The following ITFG1 variants were observed in gnomAD, a reference collection of about 807,000 sequenced individuals.
ITFG1 encodes T-cell immunomodulatory protein.
A neutral mutation model predicts 81.8 loss-of-function variants in ITFG1; 34 were observed. The ratio of observed to expected loss-of-function variants is 0.42; its 90% CI spans 0.32 to 0.55. ITFG1 has a LOEUF of 0.55. Ranked by LOEUF, ITFG1 falls within the 20% of genes least tolerant of loss-of-function variation. The probability of loss-of-function intolerance (pLI) is 0.17; values close to 1 mark genes in which losing one functional copy is unlikely to be tolerated. For synonymous variants in ITFG1, 285 were observed against 270.6 expected (o/e 1.05, Z -0.52); for missense variants, 672 against 755.4 (o/e 0.89, Z 1.29).
At chr16:47,318,001 T>G (rs927251022) in intron 8 of ITFG1, among the ~76,000 whole-genome samples, 5 of 152,106 alleles carry the variant, frequency 3.3e-5, no homozygotes, top group Non-Finnish European at 5.9e-5. Flanking sequence ...TTGGTAACAG[T>G]ATGTGGAGAT....
intron 5 of ITFG1, among the ~76,000 whole-genome samples, chr16:47,446,625 A>T (rs567943118): frequency 6.6e-6 from 1 of 152,068 alleles, no homozygotes; most frequent in Non-Finnish European, 1.5e-5. Flanking sequence ...TGTGAAACTC[A>T]CTCAGGAGCT....
chr16:47,334,105 T>G (rs1480957834), intron 8 of ITFG1, among the ~76,000 whole-genome samples: 2 of 152,224 alleles, frequency 1.3e-5, no homozygotes, highest in African/African-American at 2.4e-5. Flanking sequence ...CTAAATACAA[T>G]GAAATCCATG....
At chr16:47,381,470 T>A (rs1968395030) in intron 6 of ITFG1, among the ~76,000 whole-genome samples, 1 of 152,172 alleles carries the variant, frequency 6.6e-6, no homozygotes, top group African/African-American at 2.4e-5. Context: ...TATGGGTTAT[T>A]TTAGAAAAAC....
intron 15 of ITFG1, among the ~76,000 whole-genome samples, chr16:47,162,255 G>A (rs1964818689): frequency 6.6e-6 from 1 of 151,816 alleles, no homozygotes. Context: ...TTATGTACAC[G>A]TTAGGTGGTG....
At chr16:47,365,310 T>C (rs1199512885) in intron 8 of ITFG1, among the ~76,000 whole-genome samples, 1 of 152,200 alleles carries the variant, frequency 6.6e-6, no homozygotes, top group Non-Finnish European at 1.5e-5. Context: ...TGAACTTGAT[T>C]GTGCAGAATC....
intron 5 of ITFG1, among the ~76,000 whole-genome samples, chr16:47,431,508 C>A (rs1334848696): frequency 6.6e-6 from 1 of 152,152 alleles, no homozygotes; most frequent in Non-Finnish European, 1.5e-5. Flanking sequence ...AACTGAGTTC[C>A]ATGACACCGG....
At chr16:47,417,606 G>A (rs546452702) in intron 6 of ITFG1, among the ~76,000 whole-genome samples, 1 of 152,100 alleles carries the variant, frequency 6.6e-6, no homozygotes, top group East Asian at 1.9e-4. Flanking sequence ...AACTCTTTTA[G>A]CTCCCATATA....
chr16:47,360,335 G>A (rs1360920790), intron 8 of ITFG1, among the ~76,000 whole-genome samples: 3 of 152,142 alleles, frequency 2.0e-5, no homozygotes, highest in African/African-American at 7.2e-5. Flanking sequence ...ACATTTAAGA[G>A]AGAATATCTG....
chr16:47,377,836 G>A lies in ITFG1; in HGVS notation c.656-1896C>T, dbSNP rs115476985. ...ATTTTTCTATCCCTGCTGTTTCTAT[G>A]AGCTAGGAAATATAACATGTTCAAA... On this transcript the variant is annotated intron_variant, in intron 6 of 17. Transcript: ENST00000320640. 3.2e-3 allele frequency among the ~76,000 whole-genome samples: 491 copies of A among 152,268 alleles called. 3 individuals carry two copies. Among genetic ancestry groups the A allele is most frequent in the African/African-American group, 0.011 (463 of 41,548 alleles).
chr16:47,169,032 C>G (rs1964926986), intron 14 of ITFG1, among the ~76,000 whole-genome samples: 1 of 152,024 alleles, frequency 6.6e-6, no homozygotes, highest in Non-Finnish European at 1.5e-5. Context: ...ATTAATTTGC[C>G]ATAGATATTT....
At position 47,329,727 on chromosome 16, in the gene ITFG1, CCATTTAA is replaced by C. The variant is rs376264285; in HGVS notation, c.803-15911_803-15905del. Reference sequence around the variant, plus strand: ...GTGTTATTATCCTATATTATGACCTCCATTTAACAGAAGGAGAAATGGAAGTATAAGA... The same window carrying C: ...GTGTTATTATCCTATATTATGACCTCCAGAAGGAGAAATGGAAGTATAAGA... On this transcript the variant is annotated intron_variant, in intron 8 of 17. Transcript: ENST00000320640. 3.6e-3 allele frequency among the ~76,000 whole-genome samples: 547 copies of C among 152,182 alleles called. 3 individuals carry two copies. The highest frequency in any genetic ancestry group is 0.012 in the African/African-American group (508 of 41,526).
chr16:47,441,930 C>T (rs867246578), intron 5 of ITFG1, among the ~76,000 whole-genome samples: 3 of 152,172 alleles, frequency 2.0e-5, no homozygotes, highest in East Asian at 1.9e-4. Context: ...TCTAGAAAAC[C>T]CCATCGTCTC....
intron 3 of ITFG1, among the ~76,000 whole-genome samples, chr16:47,453,395 G>C (rs7194190): frequency 0.091 from 13,765 of 152,064 alleles, 1,192 homozygotes; most frequent in African/African-American, 0.23. Context: ...CAACTTTTTT[G>C]TGCTTTCCTG....
intron 8 of ITFG1, among the ~76,000 whole-genome samples, chr16:47,329,761 G>GTTAA (rs2151573166): frequency 1.3e-5 from 2 of 152,166 alleles, no homozygotes; most frequent in South Asian, 4.1e-4. Flanking sequence ...AGTATAAGAG[G>GTTAA]TTAAGTACCT....
chr16:47,398,988 T>A lies in ITFG1; in HGVS notation c.656-23048A>T, dbSNP rs370612434. Among the ~76,000 whole-genome samples, 25 of 152,296 alleles carry A rather than the reference T, an allele frequency of 1.6e-4. No individual in the cohort carries two copies. The East Asian group carries it at 3.3e-3, about 20-fold the overall frequency. The stretch of plus-strand genomic sequence containing the variant: ...TTATCAGGAAGGAGACAAGAGTACA[T>A]CCCTCCCTTTACCCTTAATCAGCTC... On this transcript the variant is annotated intron_variant, in intron 6 of 17. Transcript: ENST00000320640.
chr16:47,380,421 C>G (rs1968381645), intron 6 of ITFG1, among the ~76,000 whole-genome samples: 1 of 152,182 alleles, frequency 6.6e-6, no homozygotes. Context: ...ACCTTATCTC[C>G]TGGACACTAC....
At chr16:47,397,250 G>A (rs911679969) in intron 6 of ITFG1, among the ~76,000 whole-genome samples, 1 of 152,154 alleles carries the variant, frequency 6.6e-6, no homozygotes, top group African/African-American at 2.4e-5. Context: ...CAAGAATGCA[G>A]ATGAGAGCTG....
intron 6 of ITFG1, among the ~76,000 whole-genome samples, chr16:47,394,084 A>G (rs1372427350): frequency 6.6e-6 from 1 of 152,222 alleles, no homozygotes; most frequent in African/African-American, 2.4e-5. Context: ...GCAGAGCAGC[A>G]GGATTTAAGA....
chr16:47,181,544 A>C (rs2151513778), intron 14 of ITFG1, among the ~76,000 whole-genome samples: 1 of 114,694 alleles, frequency 8.7e-6, no homozygotes, highest in African/African-American at 3.9e-5. Context: ...CCCGTCTGGC[A>C]GGGAGGTGGG....
Sources: gnomAD v4.1 joint callset for allele counts (sites outside exome capture counted in the v4.1 genomes callset) on GRCh38, gnomAD v4.1.1 for gene constraint, MANE v1.5 for transcripts, NCBI Gene and HGNC (gene_info 2026-07-23, HGNC 2026-07-21) for gene names.